The following DLGAP4 variants were observed in gnomAD, a reference collection of about 807,000 sequenced individuals.
DLGAP4 encodes the protein DLG associated protein 4.
DLGAP4 carries 18 observed loss-of-function variants against 86.9 expected under a neutral mutation model. That is an observed-to-expected ratio of 0.21 (90% CI 0.14 to 0.31). DLGAP4 has a LOEUF of 0.31. Among genes scored for constraint, DLGAP4 ranks in the 10% least tolerant of loss-of-function variants. The pLI is 1.00. For synonymous variants in DLGAP4, 548 were observed against 574.3 expected (o/e 0.95, Z 0.65); for missense variants, 1,085 against 1,362.6 (o/e 0.80, Z 3.21).
intron 1 of DLGAP4, among the ~76,000 whole-genome samples, chr20:36,309,305 A>G (rs1226873833): frequency 6.6e-6 from 1 of 152,092 alleles, no homozygotes; most frequent in African/African-American, 2.4e-5. Context: ...GCTGGTGTGG[A>G]GAAGGGCAGG....
chr20:36,471,895 A>G (rs1269409463), intron 7 of DLGAP4, among the ~76,000 whole-genome samples: 2 of 152,156 alleles, frequency 1.3e-5, no homozygotes. Context: ...AAGAACATAC[A>G]AGACGAGAGA....
chr20:36,464,339 C>G (rs984889943), intron 7 of DLGAP4, among the ~76,000 whole-genome samples: 3 of 152,188 alleles, frequency 2.0e-5, no homozygotes, highest in Non-Finnish European at 4.4e-5. Context: ...GCAGGCAGGT[C>G]GCTTGAGCTC....
intron 11 of DLGAP4, 67 bp downstream of exon 11, chr20:36,524,408 GC>G: frequency 7.4e-7 from 1 of 1,356,038 alleles, no homozygotes. Context: ...TACTCTGCCA[GC>G]CCCTCGAAGC....
intron 1 of DLGAP4, among the ~76,000 whole-genome samples, chr20:36,319,398 G>C (rs1214088199): frequency 1.3e-5 from 2 of 152,170 alleles, no homozygotes; most frequent in Non-Finnish European, 2.9e-5. Flanking sequence ...TGTGTTCAAG[G>C]ACTGAGGACA....
At chr20:36,384,750 G>A (rs1293686255) in intron 2 of DLGAP4, among the ~76,000 whole-genome samples, 1 of 152,202 alleles carries the variant, frequency 6.6e-6, no homozygotes, top group African/African-American at 2.4e-5. Flanking sequence ...AAAGTCTGAG[G>A]TTTGAGCCAG....
chr20:36,522,002 C>T (rs1477058913), intron 10 of DLGAP4, among the ~76,000 whole-genome samples: 3 of 152,106 alleles, frequency 2.0e-5, no homozygotes, highest in Non-Finnish European at 4.4e-5. Flanking sequence ...TGGCAGGAAT[C>T]TGTACGTGGG....
chr20:36,450,266 G>T (rs549352019), intron 7 of DLGAP4, among the ~76,000 whole-genome samples: 3 of 152,314 alleles, frequency 2.0e-5, no homozygotes, highest in African/African-American at 7.2e-5. Flanking sequence ...GGGAGGCCGA[G>T]GCAGGTGGAT....
intron 1 of DLGAP4, among the ~76,000 whole-genome samples, chr20:36,332,627 T>C (rs1292548599): frequency 6.6e-6 from 1 of 152,120 alleles, no homozygotes; most frequent in African/African-American, 2.4e-5. Flanking sequence ...TAACCTCAAG[T>C]GATCCGCCCG....
intron 7 of DLGAP4, among the ~76,000 whole-genome samples, chr20:36,481,102 G>A (rs961285804): frequency 6.6e-6 from 1 of 152,142 alleles, no homozygotes. Context: ...AGCGTCTCAG[G>A]CCCGGTAGGA....
At chr20:36,394,741 C>T (rs1038657274) in intron 2 of DLGAP4, among the ~76,000 whole-genome samples, 1 of 151,910 alleles carries the variant, frequency 6.6e-6, no homozygotes, top group African/African-American at 2.4e-5. Context: ...GCCTTGCCTC[C>T]CACGTTCACA....
chr20:36,424,086 A>G (rs972441070), intron 2 of DLGAP4, among the ~76,000 whole-genome samples: 1 of 152,192 alleles, frequency 6.6e-6, no homozygotes, highest in Admixed American at 6.5e-5. Flanking sequence ...GTTCCGTCCT[A>G]TCTCAGGTCA....
chr20:36,459,966 C>G lies in DLGAP4; in HGVS notation c.1648+13029C>G, dbSNP rs2033981254. On this transcript the variant is annotated intron_variant, in intron 7 of 12. Transcript: ENST00000339266. ...CTCTCTTCAGGGTGTCAATCACGGT[C>G]CACAGTTTGAAAAATCTTGCCTTGG... Among the ~76,000 whole-genome samples the G allele has an allele frequency of 1.3e-5, 2 of 152,176 alleles. 1 individual carries two copies. The highest frequency in any genetic ancestry group is 2.9e-5 in the Non-Finnish European group (2 of 68,034).
rs547950860 is a variant in DLGAP4, at chr20:36,411,209, C to T, written c.-72-20437C>T. On this transcript the variant is annotated intron_variant, in intron 2 of 12. Coordinates refer to ENST00000339266, the MANE Select transcript of DLGAP4 (RefSeq NM_001365621.2). The stretch of plus-strand genomic sequence containing the variant: ...TTCACTATGTTGGCCAGGCTGGTCT[C>T]AAACTCGTGACCTCAGGTGATCCGC... 1.4e-3 allele frequency among the ~76,000 whole-genome samples: 213 copies of T among 152,310 alleles called. 3 individuals carry two copies. The South Asian group carries it at 0.021, about 15-fold the overall frequency.
At position 36,362,785 on chromosome 20, in the gene DLGAP4, A is replaced by T. The variant is rs551066911; in HGVS notation, c.-303-4260A>T. Reference sequence around the variant, plus strand: ...CTGTTGTATAATGATATGGGCTGAGAAAAACAGGAAAGCAGGCAGGGACAG... The same window carrying T: ...CTGTTGTATAATGATATGGGCTGAGTAAAACAGGAAAGCAGGCAGGGACAG... On this transcript the variant is annotated intron_variant, in intron 1 of 12. Transcript: ENST00000339266. 3.9e-5 allele frequency among the ~76,000 whole-genome samples: 6 copies of T among 152,308 alleles called. No homozygotes were observed. The East Asian group carries it at 1.2e-3, about 29-fold the overall frequency.
At chr20:36,460,366 C>G (rs951024242) in intron 7 of DLGAP4, among the ~76,000 whole-genome samples, 5 of 152,174 alleles carry the variant, frequency 3.3e-5, no homozygotes, top group African/African-American at 1.2e-4. Context: ...GATAGGATGA[C>G]CTTCAAAGTG....
Position 36,526,669 on chromosome 20 carries a change from C to T in DLGAP4, c.2761-144C>T, listed in dbSNP as rs948419950. 2.7e-5 allele frequency: 20 copies of T among 747,580 alleles called. No individual in the cohort carries two copies. In the Middle Eastern group the frequency reaches 1.2e-3, roughly 44 times the overall value. 46.3% of individuals were successfully genotyped at this position (747,580 alleles called of 1,614,324 possible). On this transcript the variant is annotated intron_variant, in intron 12 of 12. Transcript: ENST00000339266. ...TGTCAGTCATCGCTTCTCGTGGCTT[C>T]CTGATTCCAAGTGTGTGTTGCTTGT...
chr20:36,378,643 C>T (rs1480321028), intron 2 of DLGAP4, among the ~76,000 whole-genome samples: 2 of 151,902 alleles, frequency 1.3e-5, no homozygotes, highest in African/African-American at 4.8e-5. Flanking sequence ...CACGCACGCA[C>T]CTGTGTCCCA....
At chr20:36,519,066 G>A (rs184129590) in intron 10 of DLGAP4, among the ~76,000 whole-genome samples, 9 of 151,436 alleles carry the variant, frequency 5.9e-5, no homozygotes, top group African/African-American at 1.9e-4. Flanking sequence ...GCAGCGAGCC[G>A]AGATCGTACC....
intron 7 of DLGAP4, among the ~76,000 whole-genome samples, chr20:36,478,664 ATG>A (rs540564124): frequency 6.6e-6 from 1 of 152,306 alleles, no homozygotes; most frequent in Non-Finnish European, 1.5e-5. Flanking sequence ...GTAGGAATGT[ATG>A]TGTCAGTCTT....
Sources: allele counts gnomAD v4.1 joint callset (sites outside exome capture counted in the v4.1 genomes callset), GRCh38; gene constraint gnomAD v4.1.1; transcripts MANE v1.5; gene names NCBI Gene and HGNC (gene_info 2026-07-23, HGNC 2026-07-21).